Variants in SRRM4 observed in about 807,000 individuals in gnomAD.
SRRM4 encodes serine/arginine repetitive matrix protein 4.
In SRRM4, 33 loss-of-function variants were observed where a neutral mutation model predicts 68.9. The ratio of observed to expected loss-of-function variants is 0.48; its 90% CI spans 0.36 to 0.64. SRRM4 has a LOEUF of 0.64. SRRM4 is among the 30% of genes least tolerant of loss of function. SRRM4 has a pLI of 0.00. For missense variants in SRRM4, 817 were observed against 827.1 expected (o/e 0.99, Z 0.15); for synonymous variants, 318 against 318.8 (o/e 1.00, Z 0.03).
chr12:119,029,583 G>T (rs1180215100), intron 1 of SRRM4, among the ~76,000 whole-genome samples: 2 of 152,218 alleles, frequency 1.3e-5, no homozygotes, highest in Non-Finnish European at 2.9e-5. Context: ...AGTGATCCTT[G>T]TCTTTCTGGT....
chr12:119,084,026 T>C (rs1953965271), intron 1 of SRRM4, among the ~76,000 whole-genome samples: 2 of 152,184 alleles, frequency 1.3e-5, no homozygotes, highest in African/African-American at 2.4e-5. Context: ...CATCACCTCA[T>C]TGAATCCTCA....
intron 4 of SRRM4, among the ~76,000 whole-genome samples, chr12:119,120,039 G>T (rs774347330): frequency 2.0e-5 from 3 of 150,010 alleles, no homozygotes; most frequent in Non-Finnish European, 4.4e-5. Context: ...TCACAAACAT[G>T]CTGATACCTT....
At chr12:119,032,481 T>A (rs1322276852) in intron 1 of SRRM4, among the ~76,000 whole-genome samples, 1 of 152,234 alleles carries the variant, frequency 6.6e-6, no homozygotes, top group African/African-American at 2.4e-5. Flanking sequence ...TTAATTTAAA[T>A]GATCCCAATA....
intron 1 of SRRM4, among the ~76,000 whole-genome samples, chr12:119,049,923 C>T (rs956613244): frequency 2.6e-5 from 4 of 152,188 alleles, no homozygotes; most frequent in African/African-American, 9.7e-5. Context: ...TTTTCAAACG[C>T]AATCACATTT....
At chr12:119,148,465 T>C (rs1016229585) in intron 9 of SRRM4, among the ~76,000 whole-genome samples, 8 of 152,088 alleles carry the variant, frequency 5.3e-5, no homozygotes, top group African/African-American at 7.2e-5. Flanking sequence ...GCAGGAAAAA[T>C]TGAAATAGCA....
At chr12:119,031,532 T>TCTAGAAGTAGAATTG (rs1214908476) in intron 1 of SRRM4, among the ~76,000 whole-genome samples, 10 of 152,178 alleles carry the variant, frequency 6.6e-5, no homozygotes, top group Non-Finnish European at 1.2e-4. Flanking sequence ...CCTACTACAT[T>TCTAGAAGTAGAATTG]CTAGAAGTAG....
At chr12:119,000,445 C>A (rs1953376978) in intron 1 of SRRM4, among the ~76,000 whole-genome samples, 1 of 152,148 alleles carries the variant, frequency 6.6e-6, no homozygotes, top group Non-Finnish European at 1.5e-5. Context: ...GACCAAGGAC[C>A]CGTGAACTTT....
chr12:119,140,892 CCTT>C (rs1375967738), intron 8 of SRRM4, among the ~76,000 whole-genome samples: 4 of 152,178 alleles, frequency 2.6e-5, no homozygotes, highest in Non-Finnish European at 4.4e-5. Context: ...TCTTCTAAGA[CCTT>C]CTGTTCAATA....
At chr12:119,017,250 A>G (rs1210467668) in intron 1 of SRRM4, among the ~76,000 whole-genome samples, 2 of 152,252 alleles carry the variant, frequency 1.3e-5, no homozygotes, top group Non-Finnish European at 2.9e-5. Context: ...TCGTGGTAGA[A>G]AAGTCACTCT....
Position 119,025,642 on chromosome 12 carries a change from C to T in SRRM4, c.131+43629C>T, listed in dbSNP as rs547506121. Reference sequence around the variant, plus strand: ...TATTTTTAGTACAGACAGGGTTTCCCCATGTTGGTCAGGCTGGTCTCAAAC... The same window carrying T: ...TATTTTTAGTACAGACAGGGTTTCCTCATGTTGGTCAGGCTGGTCTCAAAC... On this transcript the variant is annotated intron_variant, in intron 1 of 12. Transcript: ENST00000267260. Among the ~76,000 whole-genome samples the T allele has an allele frequency of 9.3e-4, 142 of 151,958 alleles. 6 individuals are homozygous for T. Among genetic ancestry groups the T allele is most frequent in the African/African-American group, 3.4e-3 (141 of 41,308 alleles).
chr12:119,011,054 A>C (rs1953445875), intron 1 of SRRM4, among the ~76,000 whole-genome samples: 1 of 152,204 alleles, frequency 6.6e-6, no homozygotes, highest in South Asian at 2.1e-4. Context: ...AAGGATGTAC[A>C]CCAAACTGTC....
intron 1 of SRRM4, among the ~76,000 whole-genome samples, chr12:118,988,376 G>A (rs942914088): frequency 3.9e-4 from 60 of 152,332 alleles, no homozygotes; most frequent in Admixed American, 1.2e-3. Context: ...AACTGTGGGG[G>A]AATAGTCAAC....
At chr12:119,100,678 T>A (rs901250108) in intron 1 of SRRM4, among the ~76,000 whole-genome samples, 1 of 152,200 alleles carries the variant, frequency 6.6e-6, no homozygotes, top group Non-Finnish European at 1.5e-5. Flanking sequence ...AAATGCAGGT[T>A]ACCCTAGGCC....
chr12:118,999,871 CCAAA>C (rs1188944583), intron 1 of SRRM4, among the ~76,000 whole-genome samples: 6 of 152,094 alleles, frequency 3.9e-5, no homozygotes, highest in African/African-American at 9.7e-5. Context: ...TTTAAATTTC[CCAAA>C]CACTTTATGT....
At chr12:119,076,070 GTAA>G (rs1237155065) in intron 1 of SRRM4, among the ~76,000 whole-genome samples, 1 of 151,766 alleles carries the variant, frequency 6.6e-6, no homozygotes, top group East Asian at 1.9e-4. Context: ...GGTAGTAATG[GTAA>G]TGATAATAAT....
chr12:119,092,546 C>A (rs1182976479), intron 1 of SRRM4, among the ~76,000 whole-genome samples: 1 of 152,202 alleles, frequency 6.6e-6, no homozygotes, highest in East Asian at 1.9e-4. Context: ...TGGCCCCTCT[C>A]TTTCACACTC....
intron 1 of SRRM4, among the ~76,000 whole-genome samples, chr12:119,002,194 T>C (rs1256424365): frequency 6.6e-6 from 1 of 152,008 alleles, no homozygotes; most frequent in Non-Finnish European, 1.5e-5. Flanking sequence ...TTAGTCCTCA[T>C]TAGATGCTGA....
intron 1 of SRRM4, among the ~76,000 whole-genome samples, chr12:119,038,207 C>CTT (rs34123754): frequency 0.015 from 2,196 of 142,446 alleles, 41 homozygotes; most frequent in African/African-American, 0.045. Flanking sequence ...AAATTAAAAA[C>CTT]TTTTTTTTTT....
rs547465806 is a variant in SRRM4, at chr12:119,083,901, G to A, written c.132-18335G>A. ...ACTTGGCCATGCAGAGACACAGGGAGAAGGCATTTGAAGTGGGCAGAACAG... is the reference window on the plus strand; with the variant it reads ...ACTTGGCCATGCAGAGACACAGGGAAAAGGCATTTGAAGTGGGCAGAACAG... On this transcript the variant is annotated intron_variant, in intron 1 of 12. Transcript: ENST00000267260. Among the ~76,000 whole-genome samples, 28 of 152,316 alleles carry A rather than the reference G, an allele frequency of 1.8e-4. No homozygotes were observed. The East Asian group carries it at 5.0e-3, about 27-fold the overall frequency.
Sources: gnomAD v4.1 joint callset for allele counts (sites outside exome capture counted in the v4.1 genomes callset) on GRCh38, gnomAD v4.1.1 for gene constraint, MANE v1.5 for transcripts, NCBI Gene and HGNC (gene_info 2026-07-23, HGNC 2026-07-21) for gene names.